Variants in DHX29 observed in about 807,000 individuals in gnomAD.
DHX29 encodes ATP-dependent RNA helicase DHX29.
Under a neutral mutation model 167.9 loss-of-function variants are expected in DHX29, and 79 were observed. The observed-to-expected ratio is 0.47, with a 90% CI of 0.39 to 0.57. The LOEUF (loss-of-function observed/expected upper bound fraction) is 0.57. Ranked by LOEUF, DHX29 falls within the 20% of genes least tolerant of loss-of-function variation. DHX29 has a pLI of 0.00. For synonymous variants in DHX29, 530 were observed against 546.0 expected (o/e 0.97, Z 0.41); for missense variants, 1,347 against 1,593.4 (o/e 0.85, Z 2.63).
intron 21 of DHX29, among the ~76,000 whole-genome samples, chr5:55,268,156 A>T (rs900693991): frequency 3.9e-5 from 6 of 152,224 alleles, no homozygotes; most frequent in African/African-American, 2.4e-5. Flanking sequence ...AATGATTTAC[A>T]GTCTGTCATA....
chr5:55,257,956 T>C (rs1177175756), intron 26 of DHX29, among the ~76,000 whole-genome samples: 1 of 152,236 alleles, frequency 6.6e-6, no homozygotes, highest in Non-Finnish European at 1.5e-5. Flanking sequence ...ACTTGATCTG[T>C]TTCCAGCAGT....
chr5:55,296,437 T>G (rs1465209790), intron 3 of DHX29, 88 bp from the exon 4 acceptor site: 3 of 1,393,394 alleles, frequency 2.2e-6, no homozygotes, highest in Non-Finnish European at 9.5e-7. Flanking sequence ...AACCAGAAAC[T>G]TTGACACAAA....
intron 24 of DHX29, 35 bp from the exon 25 acceptor site, chr5:55,261,534 A>G: frequency 2.2e-6 from 3 of 1,376,330 alleles, no homozygotes; most frequent in Non-Finnish European, 3.0e-6. Flanking sequence ...TAACTTCAAA[A>G]TATAAAAATA....
At position 55,297,299 on chromosome 5, in the gene DHX29, C is replaced by G; in HGVS notation, c.361G>C (p.Ala121Pro). 1 of 1,566,960 alleles carries G rather than the reference C, an allele frequency of 6.4e-7. No homozygotes were observed. Among genetic ancestry groups the G allele is most frequent in the Non-Finnish European group, 8.8e-7 (1 of 1,140,630 alleles). Residue 121 changes from alanine (A) to proline (P), a missense_variant, in exon 3 of 27, where the codon GCC (alanine) becomes CCC (proline). By Grantham distance (27) the Ala-to-Pro change is conservative. Coordinates refer to ENST00000251636, the MANE Select transcript of DHX29 (RefSeq NM_019030.4). ...TTGCAAAATACCTGCAATTTTTTGG[C>G]AGTAAGTCTTCCAGAAATCATTCCT... Reference protein sequence around the residue: ...DKGMISGRLTAKKLQDLYMAL... With the variant: ...DKGMISGRLTPKKLQDLYMAL...
At chr5:55,280,290 C>CTGAA (rs1399894315) in intron 12 of DHX29, among the ~76,000 whole-genome samples, 11 of 152,154 alleles carry the variant, frequency 7.2e-5, no homozygotes, top group Admixed American at 5.2e-4. Context: ...ACACAACTTC[C>CTGAA]TGAAGTTGGT....
chr5:55,307,611 C>T lies in DHX29; in HGVS notation c.-38G>A. The T allele has an allele frequency of 6.2e-7, 1 of 1,608,708 alleles. No individual in the cohort carries two copies. ...GCAGAAGATCCTTCGCGGCCCAGGC[C>T]CCGACGGTACCACTGCACAGCCGAG... On this transcript the variant is annotated 5_prime_UTR_variant, in exon 1 of 27. Coordinates refer to ENST00000251636, the MANE Select transcript of DHX29 (RefSeq NM_019030.4).
chr5:55,270,630 T>C lies in DHX29; in HGVS notation c.2941A>G (p.Arg981Gly), dbSNP rs773326278. 1 of 1,613,940 alleles carries C rather than the reference T, an allele frequency of 6.2e-7. No individual in the cohort carries two copies. Residue 981 changes from arginine to glycine, a missense_variant, in exon 19 of 27, where the codon AGA becomes GGA. Physicochemically the swap from Arg to Gly is moderately radical, Grantham distance 125 (BLOSUM62 -2). Transcript: ENST00000251636. ...SKASALQRQG[R>G]AGRVRDGFCF... Reference sequence around the variant, plus strand: ...AAGCCATCTCTGACCCGCCCAGCTCTTCCCTGGCGCTGCAAAGCACTGGCT... The same window carrying C: ...AAGCCATCTCTGACCCGCCCAGCTCCTCCCTGGCGCTGCAAAGCACTGGCT...
At position 55,261,389 on chromosome 5, in the gene DHX29, A is replaced by G. The variant is rs766682365; in HGVS notation, c.3939T>C (p.Ile1313=). Residue 1313 remains isoleucine, a synonymous_variant, in exon 25 of 27, where the codon ATT becomes ATC. Coordinates refer to ENST00000251636, the MANE Select transcript of DHX29 (RefSeq NM_019030.4). ...EVQHRERLLS[I]DGWIYFQAPV... ...GTACCTGAAAATAGATCCAGCCATC[A>G]ATAGAAAGAAGACGTTCTCGGTGCT... is the stretch of plus-strand genomic sequence containing the variant. 1.3e-6 allele frequency: 2 copies of G among 1,583,248 alleles called. No individual in the cohort carries two copies. The highest frequency in any genetic ancestry group is 1.7e-5 in the Admixed American group (1 of 57,994).
At chr5:55,290,193 C>T in intron 7 of DHX29, 25 bp downstream of exon 7, 1 of 1,594,886 alleles carries the variant, frequency 6.3e-7, no homozygotes. Context: ...TACATTTATA[C>T]ATCTAAGTAT....
chr5:55,291,024 T>C (rs981969143), intron 6 of DHX29, among the ~76,000 whole-genome samples: 3 of 152,010 alleles, frequency 2.0e-5, no homozygotes, highest in Admixed American at 6.6e-5. Context: ...CAAAAAAAAA[T>C]TGTTTCATAA....
At chr5:55,291,173 A>C (rs1039216341) in intron 6 of DHX29, among the ~76,000 whole-genome samples, 1 of 152,206 alleles carries the variant, frequency 6.6e-6, no homozygotes, top group African/African-American at 2.4e-5. Flanking sequence ...CAAGGACATG[A>C]CTTGACTCCT....
At chr5:55,260,615 C>A (rs1241827895) in intron 25 of DHX29, among the ~76,000 whole-genome samples, 1 of 152,148 alleles carries the variant, frequency 6.6e-6, no homozygotes, top group Admixed American at 6.5e-5. Context: ...AATTGTGCAA[C>A]CATCACAATC....
At position 55,285,784 on chromosome 5, in the gene DHX29, ATTGT is replaced by A. The variant is rs1747690686; in HGVS notation, c.1140_1143del (p.Lys380AsnfsTer3). The A allele has an allele frequency of 6.2e-7, 1 of 1,605,000 alleles. No homozygotes were observed. The highest frequency in any genetic ancestry group is 8.5e-7 in the Non-Finnish European group (1 of 1,173,536). Reference sequence around the variant, plus strand: ...TTCTTCCTGACCCAATCAATCAGAAATTGTTTGGGAGATTTTCCAGTCCAACTTC... The same window carrying A: ...TTCTTCCTGACCCAATCAATCAGAAATTGGGAGATTTTCCAGTCCAACTTC... On this transcript the variant is annotated frameshift_variant, in exon 9 of 27. Coordinates refer to ENST00000251636, the MANE Select transcript of DHX29 (RefSeq NM_019030.4). LOFTEE classifies it high-confidence loss of function.
chr5:55,296,711 T>C (rs1362227211), intron 3 of DHX29, among the ~76,000 whole-genome samples: 4 of 152,216 alleles, frequency 2.6e-5, no homozygotes, highest in African/African-American at 9.6e-5. Flanking sequence ...AGTTACATAA[T>C]ATTCCACTGG....
At chr5:55,268,920 GAAAAC>G (rs1219294559) in intron 21 of DHX29, among the ~76,000 whole-genome samples, 1 of 152,086 alleles carries the variant, frequency 6.6e-6, no homozygotes, top group Non-Finnish European at 1.5e-5. Flanking sequence ...CAAGTGGGTT[GAAAAC>G]AAAAGTTTAG....
chr5:55,262,618 T>C lies in DHX29; in HGVS notation c.3828+12A>G. ...TGCTCTGAATACTGGAATTTAGGAA[T>C]GAGTACTTCACCTTCTCCTGGTATA... On this transcript the variant is annotated intron_variant, in intron 24 of 26. Transcript: ENST00000251636. 2 of 1,612,096 alleles carry C rather than the reference T, an allele frequency of 1.2e-6. No individual in the cohort carries two copies. Among genetic ancestry groups the C allele is most frequent in the Non-Finnish European group, 1.7e-6 (2 of 1,178,680 alleles).
intron 6 of DHX29, among the ~76,000 whole-genome samples, chr5:55,291,768 T>C (rs923470955): frequency 1.3e-5 from 2 of 152,200 alleles, no homozygotes; most frequent in African/African-American, 4.8e-5. Context: ...TGAAATCATA[T>C]GGTATCTGTC....
rs1290607927 is a variant in DHX29, at chr5:55,274,715, G to A, written c.2589C>T (p.Phe863=). The A allele has an allele frequency of 1.3e-6, 2 of 1,591,252 alleles. No individual in the cohort carries two copies. The highest frequency in any genetic ancestry group is 1.9e-5 in the Admixed American group (1 of 53,856). Residue 863 remains phenylalanine (F), a synonymous_variant, in exon 16 of 27, where the codon TTC becomes TTT. Transcript: ENST00000251636. ...LLAYLDKSPQ[F]RNIEGAVLIF... ...TCAATACTGCTCCTTCAATATTTCT[G>A]AATTGGGGACTTTTATCTGAAATTT...
chr5:55,307,268 C>T lies in DHX29; in HGVS notation c.187+119G>A, dbSNP rs184100527. 126 of 855,708 alleles carry T rather than the reference C, an allele frequency of 1.5e-4. No homozygotes were observed. The African/African-American group carries it at 2.1e-3, about 14-fold the overall frequency. 53.0% of individuals were successfully genotyped at this position (855,708 alleles called of 1,614,324 possible). On this transcript the variant is annotated intron_variant, in intron 1 of 26. Transcript: ENST00000251636. ...GCCACCCCATGGGGAGGTAGCAGCT[C>T]GAGTGTTGGGAAATAGAAATGTTGG... is the stretch of plus-strand genomic sequence containing the variant.
Sources: allele counts gnomAD v4.1 joint callset (sites outside exome capture counted in the v4.1 genomes callset), GRCh38; gene constraint gnomAD v4.1.1; transcripts MANE v1.5; gene names NCBI Gene and HGNC (gene_info 2026-07-23, HGNC 2026-07-21).